Variants in ANKS1B observed in about 807,000 individuals in gnomAD.
ANKS1B encodes the protein ankyrin repeat and sterile alpha motif domain containing 1B.
A neutral mutation model predicts 148.3 loss-of-function variants in ANKS1B; 36 were observed. That is an observed-to-expected ratio of 0.24 (90% CI 0.19 to 0.32). The LOEUF is 0.32. ANKS1B is among the 10% of genes least tolerant of loss of function. The pLI is 1.00. For synonymous variants in ANKS1B, 542 were observed against 560.8 expected (o/e 0.97, Z 0.47); for missense variants, 1,157 against 1,542.6 (o/e 0.75, Z 4.19).
chr12:99,356,125 A>G (rs2152409216), intron 12 of ANKS1B, among the ~76,000 whole-genome samples: 1 of 152,184 alleles, frequency 6.6e-6, no homozygotes, highest in South Asian at 2.1e-4. Context: ...AGATATAAGG[A>G]ACAGCCACTA....
chr12:99,758,092 C>A (rs7398639), intron 8 of ANKS1B, among the ~76,000 whole-genome samples: 65,866 of 151,112 alleles, frequency 0.44, 14,669 homozygotes, highest in South Asian at 0.61. Flanking sequence ...TTAAAATAGA[C>A]GTAAAAAAAG....
chr12:99,319,155 T>G (rs2084741879), intron 12 of ANKS1B, among the ~76,000 whole-genome samples: 1 of 152,206 alleles, frequency 6.6e-6, no homozygotes. Context: ...TTCTCTTGAT[T>G]TGGGGTGGAG....
chr12:99,427,400 C>T (rs779849024), intron 11 of ANKS1B, among the ~76,000 whole-genome samples: 1 of 152,178 alleles, frequency 6.6e-6, no homozygotes, highest in Non-Finnish European at 1.5e-5. Flanking sequence ...CTTTGTATTG[C>T]TATTTCATTT....
At chr12:98,914,460 T>C (rs531549024) in intron 17 of ANKS1B, among the ~76,000 whole-genome samples, 2 of 152,278 alleles carry the variant, frequency 1.3e-5, no homozygotes, top group South Asian at 4.1e-4. Flanking sequence ...TCATGTCTAC[T>C]CCAATCTTCC....
intron 16 of ANKS1B, among the ~76,000 whole-genome samples, chr12:99,071,102 C>G (rs2046127625): frequency 6.6e-6 from 1 of 152,178 alleles, no homozygotes; most frequent in Non-Finnish European, 1.5e-5. Context: ...ATTTTTACTC[C>G]TATTATAGCT....
intron 19 of ANKS1B, among the ~76,000 whole-genome samples, chr12:98,824,374 C>G (rs943151751): frequency 6.6e-6 from 1 of 152,208 alleles, no homozygotes; most frequent in African/African-American, 2.4e-5. Context: ...TAGAATGCTA[C>G]AACCACCGGA....
At chr12:99,238,914 T>C (rs1040627432) in intron 14 of ANKS1B, among the ~76,000 whole-genome samples, 1 of 152,040 alleles carries the variant, frequency 6.6e-6, no homozygotes, top group Non-Finnish European at 1.5e-5. Flanking sequence ...TCTGTATAGG[T>C]CACCAACATC....
At position 99,984,301 on chromosome 12, in the gene ANKS1B, C is replaced by G. The variant is rs372054332; in HGVS notation, c.-64G>C. 2 of 1,486,352 alleles carry G rather than the reference C, an allele frequency of 1.3e-6. No individual in the cohort carries two copies. The highest frequency in any genetic ancestry group is 1.4e-5 in the African/African-American group (1 of 72,476). The allele number at this position is 1,486,352 out of a possible 1,614,324, so 92.1% of individuals were successfully genotyped here. A position where few individuals can be genotyped will look rare whatever the true frequency, so the allele number is the denominator to read the frequency against. On this transcript the variant is annotated 5_prime_UTR_variant, in exon 1 of 27. Transcript: ENST00000683438. ...TCGGGTCCTCCTCCCCACCCACCCC[C>G]ACTCCCCAAAATCCAGGGCCCTCTT...
chr12:99,869,508 A>C (rs1460137071), intron 1 of ANKS1B, among the ~76,000 whole-genome samples: 1 of 152,034 alleles, frequency 6.6e-6, no homozygotes, highest in African/African-American at 2.4e-5. Context: ...ACCCATCTCT[A>C]CTAAAAATAA....
chr12:99,457,969 T>C (rs996683487), intron 10 of ANKS1B, among the ~76,000 whole-genome samples: 2 of 152,062 alleles, frequency 1.3e-5, no homozygotes, highest in African/African-American at 4.8e-5. Flanking sequence ...AACTGCAGAA[T>C]ATACATTCTA....
chr12:99,926,369 T>C (rs1441595205), intron 1 of ANKS1B, among the ~76,000 whole-genome samples: 1 of 152,248 alleles, frequency 6.6e-6, no homozygotes, highest in Admixed American at 6.5e-5. Context: ...TAAAGCAGGC[T>C]GCCCTCCCTA....
intron 6 of ANKS1B, among the ~76,000 whole-genome samples, chr12:99,777,710 A>G (rs572702319): frequency 9.2e-4 from 140 of 151,796 alleles, no homozygotes; most frequent in African/African-American, 3.4e-3. Context: ...TCAGCCTCCC[A>G]AGTAGCTGGG....
chr12:99,179,183 C>G lies in ANKS1B; in HGVS notation c.2420-24788G>C, dbSNP rs181350026. Among the ~76,000 whole-genome samples the G allele has an allele frequency of 6.6e-5, 10 of 151,912 alleles. No homozygotes were observed. The East Asian group carries it at 1.7e-3, about 26-fold the overall frequency. On this transcript the variant is annotated intron_variant, in intron 14 of 26. Coordinates refer to ENST00000683438, the MANE Select transcript of ANKS1B (RefSeq NM_001352186.2). ...GTGGCTCATGCCTATAATCCCAGCA[C>G]TTTGGGAGGCTGAGGTGGGCGGATC...
At chr12:99,161,104 T>A (rs1230858341) in intron 14 of ANKS1B, among the ~76,000 whole-genome samples, 1 of 152,242 alleles carries the variant, frequency 6.6e-6, no homozygotes, top group Non-Finnish European at 1.5e-5. Context: ...GCACTGAATC[T>A]GTAGATTGCT....
chr12:98,894,843 C>G, intron 17 of ANKS1B: 1 of 981,406 alleles, frequency 1.0e-6, no homozygotes. Flanking sequence ...CCGCGCTGCG[C>G]CGAGCGCCGG....
intron 17 of ANKS1B, among the ~76,000 whole-genome samples, chr12:99,003,198 G>A (rs529581503): frequency 6.6e-6 from 1 of 152,308 alleles, no homozygotes; most frequent in South Asian, 2.1e-4. Flanking sequence ...TCTATAGTCT[G>A]TCTTTATGCC....
At chr12:99,930,960 T>C (rs766016430) in intron 1 of ANKS1B, among the ~76,000 whole-genome samples, 5 of 152,100 alleles carry the variant, frequency 3.3e-5, no homozygotes, top group Non-Finnish European at 7.4e-5. Flanking sequence ...CCAACAATGA[T>C]AGACTGGATT....
chr12:99,638,293 A>T (rs1005743300), intron 9 of ANKS1B, among the ~76,000 whole-genome samples: 2 of 152,214 alleles, frequency 1.3e-5, no homozygotes, highest in African/African-American at 4.8e-5. Flanking sequence ...TTGAGGGCTC[A>T]GAAGACAGGA....
chr12:99,649,289 G>GA, intron 9 of ANKS1B: 1 of 1,612,712 alleles, frequency 6.2e-7, no homozygotes. Context: ...TCTCCCTAGG[G>GA]ATATGCCATG....
Sources: allele counts gnomAD v4.1 joint callset (sites outside exome capture counted in the v4.1 genomes callset), GRCh38; gene constraint gnomAD v4.1.1; transcripts MANE v1.5; gene names NCBI Gene and HGNC (gene_info 2026-07-23, HGNC 2026-07-21).